The following EPB41L3 variants were observed in gnomAD, a reference collection of about 807,000 sequenced individuals.
The protein encoded by EPB41L3 is erythrocyte membrane protein band 4.1 like 3.
Under a neutral mutation model 127.1 loss-of-function variants are expected in EPB41L3, and 57 were observed. The ratio of observed to expected loss-of-function variants is 0.45; its 90% CI spans 0.36 to 0.56. EPB41L3 has a LOEUF of 0.56. Ranked by LOEUF, EPB41L3 falls within the 20% of genes least tolerant of loss-of-function variation. EPB41L3 has a pLI of 0.00. For synonymous variants in EPB41L3, 572 were observed against 549.5 expected, an observed-to-expected ratio of 1.04 and a Z score of -0.57; for missense variants, 1,273 against 1,372.2, an observed-to-expected ratio of 0.93 and a Z score of 1.14.
chr18:5,431,981 T>G (rs955306940), intron 8 of EPB41L3, among the ~76,000 whole-genome samples: 7 of 152,162 alleles, frequency 4.6e-5, no homozygotes, highest in African/African-American at 1.7e-4. Flanking sequence ...TCAAAGAGCT[T>G]GGCATTCAAC....
chr18:5,600,819 G>C (rs1053123243), intron 3 of EPB41L3, among the ~76,000 whole-genome samples: 1 of 152,176 alleles, frequency 6.6e-6, no homozygotes, highest in Admixed American at 6.5e-5. Context: ...GCAGAGTCAA[G>C]AGCTAGAAGG....
chr18:5,550,467 T>G (rs570309891), intron 3 of EPB41L3, among the ~76,000 whole-genome samples: 1 of 152,344 alleles, frequency 6.6e-6, no homozygotes, highest in African/African-American at 2.4e-5. Flanking sequence ...GGTTTTATAC[T>G]TGATGAGCCC....
intron 1 of EPB41L3, among the ~76,000 whole-genome samples, chr18:5,498,791 G>A (rs894306915): frequency 1.3e-5 from 2 of 151,838 alleles, no homozygotes; most frequent in African/African-American, 2.4e-5. Context: ...AAGAGTGAGC[G>A]AATAAACTAA....
intron 2 of EPB41L3, among the ~76,000 whole-genome samples, chr18:5,482,797 C>G (rs1490721445): frequency 6.6e-6 from 1 of 151,968 alleles, no homozygotes; most frequent in Admixed American, 6.6e-5. Flanking sequence ...AAATCTTTCC[C>G]GAAAGAACAA....
chr18:5,437,216 G>A (rs2079982551), intron 6 of EPB41L3, among the ~76,000 whole-genome samples: 1 of 152,148 alleles, frequency 6.6e-6, no homozygotes, highest in Admixed American at 6.5e-5. Flanking sequence ...GAAGTGATTA[G>A]GGTGGAGCCC....
chr18:5,589,831 T>G (rs1023695479), intron 3 of EPB41L3, among the ~76,000 whole-genome samples: 1 of 152,224 alleles, frequency 6.6e-6, no homozygotes. Context: ...TTAATCAGAT[T>G]CATAGCTGGT....
intron 3 of EPB41L3, among the ~76,000 whole-genome samples, chr18:5,476,082 CCTT>C (rs1274150286): frequency 6.6e-6 from 1 of 152,076 alleles, no homozygotes; most frequent in Non-Finnish European, 1.5e-5. Context: ...CTCATTGCCT[CCTT>C]GAGAATCACT....
chr18:5,500,833 C>A (rs28491200), intron 1 of EPB41L3, among the ~76,000 whole-genome samples: 1 of 152,072 alleles, frequency 6.6e-6, no homozygotes, highest in Non-Finnish European at 1.5e-5. Flanking sequence ...TAAATTCAAA[C>A]GAACAGCAGA....
chr18:5,508,266 G>C (rs2092325398), intron 1 of EPB41L3: 2 of 152,064 alleles, frequency 1.3e-5, no homozygotes, highest in Non-Finnish European at 2.9e-5. Context: ...TACTTTCCAA[G>C]CTGTGTTTTC....
At chr18:5,540,222 C>T in intron 1 of EPB41L3, 1 of 434,310 alleles carries the variant, frequency 2.3e-6, no homozygotes, top group Non-Finnish European at 3.1e-6. Flanking sequence ...ATATTCAGTG[C>T]TTTCTACTAT....
At chr18:5,505,539 TACCCTCCACACCTTCAGCTCTTACCC>T (rs2092086449) in intron 1 of EPB41L3, among the ~76,000 whole-genome samples, 3 of 128,348 alleles carry the variant, frequency 2.3e-5, no homozygotes, top group Admixed American at 8.0e-5. Flanking sequence ...CCTCCACCCC[TACCCTCCACACCTTCAGCTCTTACCC>T]TCCCCACCAT....
At chr18:5,529,946 G>GTGTA (rs2148915920) in intron 1 of EPB41L3, among the ~76,000 whole-genome samples, 1 of 152,030 alleles carries the variant, frequency 6.6e-6, no homozygotes, top group South Asian at 2.1e-4. Flanking sequence ...GTGTGTGTGT[G>GTGTA]TGTGTGTGTG....
Position 5,396,333 on chromosome 18 carries a change from C to CT in EPB41L3, c.2842-2dup. On this transcript the variant is annotated splice_acceptor_variant, in intron 18 of 22. Transcript: ENST00000341928. LOFTEE classifies it high-confidence loss of function. ...TGGTTTCCGTCTTCACCGTTGAGGA[C>CT]TGTGCCAAAGGGGAGTAAGCAGAGT... The CT allele has an allele frequency of 6.2e-7, 1 of 1,614,130 alleles. No individual in the cohort carries two copies. The highest frequency in any genetic ancestry group is 8.5e-7 in the Non-Finnish European group (1 of 1,180,014).
chr18:5,496,134 G>T (rs1215228045), intron 1 of EPB41L3, among the ~76,000 whole-genome samples: 1 of 152,214 alleles, frequency 6.6e-6, no homozygotes, highest in Non-Finnish European at 1.5e-5. Flanking sequence ...GGAAAATCTG[G>T]TTTATCTGCA....
At chr18:5,402,099 T>C (rs1184634140) in intron 16 of EPB41L3, among the ~76,000 whole-genome samples, 3 of 151,740 alleles carry the variant, frequency 2.0e-5, no homozygotes, top group Non-Finnish European at 4.4e-5. Context: ...GGACCTACCC[T>C]GACAGATTTT....
chr18:5,545,810 G>T (rs2093869188), upstream of EPB41L3, among the ~76,000 whole-genome samples: 1 of 152,012 alleles, frequency 6.6e-6, no homozygotes, highest in Non-Finnish European at 1.5e-5. Flanking sequence ...TTTCCTGTCA[G>T]AAAGTGTTGC....
chr18:5,483,242 T>C lies in EPB41L3; in HGVS notation c.184-4804A>G, dbSNP rs186046768. On this transcript the variant is annotated intron_variant, in intron 2 of 22. Coordinates refer to ENST00000341928, the MANE Select transcript of EPB41L3 (RefSeq NM_012307.5). ...TTTAGCCTTTGTTTCTGTTTTTAAA[T>C]TTGTGATCTAAGATAAGTTGTCATT... Among the ~76,000 whole-genome samples the C allele has an allele frequency of 1.0e-3, 155 of 152,256 alleles. 1 individual carries two copies. Among genetic ancestry groups the C allele is most frequent in the African/African-American group, 3.4e-3 (142 of 41,572 alleles).
intron 12 of EPB41L3, among the ~76,000 whole-genome samples, chr18:5,418,603 A>G (rs547474677): frequency 2.6e-5 from 4 of 152,242 alleles, no homozygotes; most frequent in African/African-American, 9.6e-5. Flanking sequence ...TTTTAACAGC[A>G]AAAGTTATCG....
intron 16 of EPB41L3, chr18:5,399,091 G>A (rs2074073829): frequency 2.5e-6 from 1 of 399,134 alleles, no homozygotes; most frequent in Non-Finnish European, 4.4e-6. Flanking sequence ...GTGGAGGGCT[G>A]CTCCACTTTC....
Sources: gnomAD v4.1 joint callset for allele counts (sites outside exome capture counted in the v4.1 genomes callset) on GRCh38, gnomAD v4.1.1 for gene constraint, MANE v1.5 for transcripts, NCBI Gene and HGNC (gene_info 2026-07-23, HGNC 2026-07-21) for gene names.